IFT74: variants seen among roughly 807,000 people sequenced by gnomAD.
The protein encoded by IFT74 is intraflagellar transport protein 74 homolog.
IFT74 carries 92 observed loss-of-function variants against 96.7 expected under a neutral mutation model. The ratio of observed to expected loss-of-function variants is 0.95; its 90% CI spans 0.80 to 1.13. The LOEUF is 1.13. Among genes scored for constraint, IFT74 ranks in the 50% most tolerant of loss-of-function variants. The pLI is 0.00. For missense variants in IFT74, 811 were observed against 698.2 expected (o/e 1.16, Z -1.82); for synonymous variants, 223 against 213.2 (o/e 1.05, Z -0.40).
chr9:27,045,484 CAT>C (rs1418224688), intron 14 of IFT74, among the ~76,000 whole-genome samples: 1 of 152,118 alleles, frequency 6.6e-6, no homozygotes, highest in Non-Finnish European at 1.5e-5. Flanking sequence ...ATACTTATCT[CAT>C]TGTTTATTAG....
intron 8 of IFT74, chr9:26,994,068 G>A (rs768701975): frequency 2.6e-5 from 4 of 152,252 alleles, no homozygotes; most frequent in East Asian, 3.9e-4. Context: ...TATTACAGCC[G>A]ATAGGCCAGT....
At chr9:27,048,300 A>G (rs1819780234) in intron 16 of IFT74, 26 bp downstream of exon 16, 3 of 1,502,422 alleles carry the variant, frequency 2.0e-6, no homozygotes, top group Non-Finnish European at 2.7e-6. Flanking sequence ...AGATTTTAAT[A>G]TTCTTTTTTT....
In IFT74 at chr9:27,048,209, A is replaced by C. The variant is rs761435200; in HGVS notation, c.1268A>C (p.Asp423Ala). 2 of 1,605,588 alleles carry C rather than the reference A, an allele frequency of 1.2e-6. No individual in the cohort carries two copies. The highest frequency in any genetic ancestry group is 2.7e-5 in the African/African-American group (2 of 74,750). ...ITNQELKMMQ[D>A]DLNFKSTEVQ... ...AATCAAGAGCTAAAGATGATGCAGG[A>C]TGACCTCAATTTTAAATCTACTGAA... Residue 423 changes from aspartate (D) to alanine (A), a missense_variant, in exon 16 of 20, where the codon GAT becomes GCT. Physicochemically the swap from Asp to Ala is moderately radical, Grantham distance 126. Transcript: ENST00000380062.
At chr9:26,956,709 GCCCGACCCCTC>G (rs1047130475) in intron 1 of IFT74, among the ~76,000 whole-genome samples, 193 bp downstream of exon 1, 2 of 151,642 alleles carry the variant, frequency 1.3e-5, no homozygotes, top group Non-Finnish European at 2.9e-5. Flanking sequence ...TCCTCCAACA[GCCCGACCCCTC>G]CCCGACCCCC....
chr9:27,001,174 T>A (rs1828463993), intron 8 of IFT74, among the ~76,000 whole-genome samples: 1 of 152,180 alleles, frequency 6.6e-6, no homozygotes. Flanking sequence ...CCATTGTATA[T>A]ATATGCTACT....
In IFT74 at chr9:27,017,238, T is replaced by A. The variant is rs149645291; in HGVS notation, c.933+188T>A. Among the ~76,000 whole-genome samples the A allele has an allele frequency of 3.4e-4, 51 of 152,048 alleles. 1 individual carries two copies. In the East Asian group the frequency reaches 8.5e-3, roughly 25 times the overall value. ...TTTTATTATTATTATTATTATTATT[T>A]TTGATGTAGGATCTTGCTCTGTAAC... On this transcript the variant is annotated intron_variant, in intron 11 of 19. Transcript: ENST00000380062.
At chr9:27,036,767 A>C (rs1382457690) in intron 13 of IFT74, 1 of 1,163,468 alleles carries the variant, frequency 8.6e-7, no homozygotes, top group Non-Finnish European at 1.1e-6. Context: ...GCTGTCTCTC[A>C]ACAAGAAAAT....
intron 13 of IFT74, among the ~76,000 whole-genome samples, chr9:27,040,580 CTGGGAGACTT>C (rs997034367): frequency 1.4e-5 from 2 of 142,984 alleles, no homozygotes; most frequent in African/African-American, 5.4e-5. Flanking sequence ...AGGAAAGGTA[CTGGGAGACTT>C]TGCGTGCTTC....
chr9:27,013,464 A>G (rs1224234525), intron 10 of IFT74, among the ~76,000 whole-genome samples: 2 of 152,230 alleles, frequency 1.3e-5, no homozygotes, highest in African/African-American at 4.8e-5. Flanking sequence ...CAGTTTAAAA[A>G]TGTTGTCAGA....
intron 2 of IFT74, among the ~76,000 whole-genome samples, chr9:26,967,913 T>G (rs1482528170): frequency 6.6e-6 from 1 of 152,180 alleles, no homozygotes; most frequent in Non-Finnish European, 1.5e-5. Flanking sequence ...TGAACTATCT[T>G]TAGTTACCTG....
intron 8 of IFT74, chr9:26,997,666 T>C: frequency 6.6e-7 from 1 of 1,504,182 alleles, no homozygotes; most frequent in Non-Finnish European, 8.9e-7. Context: ...ATATGAGAGA[T>C]TTTTCTGTGG....
intron 8 of IFT74, chr9:27,005,777 A>T (rs773554873): frequency 6.6e-6 from 1 of 151,276 alleles, no homozygotes; most frequent in South Asian, 2.1e-4. Context: ...ATAATTTCTT[A>T]AAGTCATCTT....
At chr9:27,038,080 C>T (rs1032126332) in intron 13 of IFT74, among the ~76,000 whole-genome samples, 6 of 152,282 alleles carry the variant, frequency 3.9e-5, no homozygotes, top group African/African-American at 1.4e-4. Context: ...ACCTTGACTA[C>T]AGTGTCATGG....
At chr9:27,016,180 C>G (rs1025783861) in intron 10 of IFT74, among the ~76,000 whole-genome samples, 3 of 152,184 alleles carry the variant, frequency 2.0e-5, no homozygotes, top group African/African-American at 7.2e-5. Flanking sequence ...AGACTCTAGA[C>G]AGAATCTTGC....
intron 4 of IFT74, among the ~76,000 whole-genome samples, chr9:26,981,417 A>G (rs1407687843): frequency 6.8e-6 from 1 of 147,922 alleles, no homozygotes. Context: ...ACCTGGCCTC[A>G]TAGCATTTTT....
intron 10 of IFT74, among the ~76,000 whole-genome samples, chr9:27,012,842 GA>G (rs1829168507): frequency 6.7e-6 from 1 of 148,644 alleles, no homozygotes. Flanking sequence ...TCAGCCTCCA[GA>G]GTAGCTGGGA....
chr9:27,006,846 T>G (rs981608304), intron 8 of IFT74, among the ~76,000 whole-genome samples: 7 of 137,156 alleles, frequency 5.1e-5, no homozygotes, highest in African/African-American at 1.9e-4. Flanking sequence ...TTTTTTTTTT[T>G]TTTTTTTTGA....
intron 14 of IFT74, among the ~76,000 whole-genome samples, chr9:27,045,531 C>T (rs530456565): frequency 1.3e-5 from 2 of 152,130 alleles, no homozygotes; most frequent in South Asian, 2.1e-4. Context: ...TTTTCTATCA[C>T]CAGCTATAAT....
intron 8 of IFT74, among the ~76,000 whole-genome samples, chr9:27,004,347 C>G (rs535118891): frequency 6.6e-6 from 1 of 152,254 alleles, no homozygotes; most frequent in East Asian, 1.9e-4. Flanking sequence ...AAGGTAGATT[C>G]TGTACAAGAA....
Sources: allele counts gnomAD v4.1 joint callset (sites outside exome capture counted in the v4.1 genomes callset), GRCh38; gene constraint gnomAD v4.1.1; transcripts MANE v1.5; gene names NCBI Gene and HGNC (gene_info 2026-07-23, HGNC 2026-07-21).